The following AADAT variants were observed in gnomAD, a reference collection of about 807,000 sequenced individuals.
The protein encoded by AADAT is aminoadipate aminotransferase.
A neutral mutation model predicts 56.2 loss-of-function variants in AADAT; 25 were observed. The observed-to-expected ratio is 0.44, with a 90% CI of 0.32 to 0.62. AADAT has a LOEUF of 0.62. AADAT is among the 20% of genes least tolerant of loss of function. The pLI is 0.04. For synonymous variants in AADAT, 173 were observed against 164.7 expected (o/e 1.05, Z -0.39); for missense variants, 387 against 510.5 (o/e 0.76, Z 2.33).
chr4:170,089,596 A>C (rs1398087237), intron 1 of AADAT, 28 bp downstream of exon 1: 1 of 1,613,644 alleles, frequency 6.2e-7, no homozygotes, highest in Non-Finnish European at 8.5e-7. Flanking sequence ...CCCCACCCCA[A>C]AGGAGAGATG....
intron 4 of AADAT, among the ~76,000 whole-genome samples, chr4:170,076,976 C>T (rs1253934301): frequency 6.6e-6 from 1 of 152,162 alleles, no homozygotes; most frequent in African/African-American, 2.4e-5. Context: ...TCCTTTCCCC[C>T]ACTGAATGAT....
chr4:170,073,788 C>T (rs1469760040), intron 4 of AADAT, among the ~76,000 whole-genome samples: 1 of 152,176 alleles, frequency 6.6e-6, no homozygotes, highest in East Asian at 1.9e-4. Context: ...CGTGAGCTGC[C>T]ACGCCCCTGG....
chr4:170,088,560 G>A lies in AADAT; in HGVS notation c.72C>T (p.Asp24=), dbSNP rs766029947. ...TCGATTTTGGTCCTCTGCTCAATAT[G>A]TCAGCTACAATACACATGGAAGAGA... is the stretch of plus-strand genomic sequence containing the variant. ...RNPSPIRTMT[D]ILSRGPKSMI... Residue 24 remains aspartate, a synonymous_variant, in exon 2 of 13, where the codon GAC becomes GAT. Transcript: ENST00000337664. The A allele has an allele frequency of 1.6e-5, 25 of 1,609,956 alleles. No individual in the cohort carries two copies. Among genetic ancestry groups the A allele is most frequent in the Non-Finnish European group, 2.0e-5 (24 of 1,176,832 alleles).
intron 8 of AADAT, among the ~76,000 whole-genome samples, chr4:170,068,104 A>G (rs1002091289): frequency 2.0e-5 from 3 of 148,248 alleles, no homozygotes; most frequent in Admixed American, 7.0e-5. Context: ...ATGCCACTGC[A>G]CTCCAGCCTG....
chr4:170,081,124 A>G (rs536663685), intron 3 of AADAT, among the ~76,000 whole-genome samples: 64 of 152,064 alleles, frequency 4.2e-4, no homozygotes, highest in Non-Finnish European at 1.8e-4. Flanking sequence ...ATAACAAAAA[A>G]CCCCAGAAAT....
At chr4:170,092,314 C>A (rs977800059), upstream of AADAT, among the ~76,000 whole-genome samples, 2 of 152,202 alleles carry the variant, frequency 1.3e-5, no homozygotes, top group Admixed American at 6.5e-5. Context: ...CTCCTGAGGC[C>A]GTGGAGACCA....
At chr4:170,084,554 T>C (rs1441848785) in intron 3 of AADAT, among the ~76,000 whole-genome samples, 1 of 152,178 alleles carries the variant, frequency 6.6e-6, no homozygotes, top group East Asian at 1.9e-4. Context: ...AAATCATACA[T>C]AAGTCACAGA....
At chr4:170,081,737 G>A (rs763106678) in intron 3 of AADAT, among the ~76,000 whole-genome samples, 29 of 152,022 alleles carry the variant, frequency 1.9e-4, no homozygotes, top group Non-Finnish European at 3.4e-4. Flanking sequence ...ATGGGGCCTC[G>A]CTATGTTAAC....
At position 170,067,317 on chromosome 4, in the gene AADAT, G is replaced by T; in HGVS notation, c.962+10C>A. On this transcript the variant is annotated intron_variant, in intron 9 of 12. Coordinates refer to ENST00000337664, the MANE Select transcript of AADAT (RefSeq NM_016228.4). The stretch of plus-strand genomic sequence containing the variant: ...TTTGTTCATAAATATTTAAAGAAAT[G>T]ATACAATACCTGTCTACATGAGCCA... 1 of 1,606,142 alleles carries T rather than the reference G, an allele frequency of 6.2e-7. No individual in the cohort carries two copies. Among genetic ancestry groups the T allele is most frequent in the South Asian group, 1.1e-5 (1 of 90,492 alleles).
chr4:170,064,643 T>A, intron 11 of AADAT, 76 bp downstream of exon 11: 1 of 1,144,008 alleles, frequency 8.7e-7, no homozygotes, highest in South Asian at 1.5e-5. Context: ...TTTCTTTCCA[T>A]TCTATTCAAG....
chr4:170,077,259 T>C (rs1335512700), intron 4 of AADAT, among the ~76,000 whole-genome samples: 1 of 152,224 alleles, frequency 6.6e-6, no homozygotes, highest in African/African-American at 2.4e-5. Context: ...GGGATTGTAT[T>C]GAATCTGTAA....
upstream of AADAT, among the ~76,000 whole-genome samples, chr4:170,092,816 G>C (rs775980908): frequency 1.3e-5 from 2 of 152,166 alleles, no homozygotes; most frequent in African/African-American, 4.8e-5. Context: ...AACATTGGCT[G>C]TTGTTAGTAA....
In AADAT at chr4:170,070,521, A is replaced by G; in HGVS notation, c.720+66T>C. The stretch of plus-strand genomic sequence containing the variant: ...TGACTCAGCAGTCAGCCTAATACCC[A>G]ACACAGTGCAGTAACTTAAAACAAC... On this transcript the variant is annotated intron_variant, in intron 6 of 12. Coordinates refer to ENST00000337664, the MANE Select transcript of AADAT (RefSeq NM_016228.4). 2 of 1,189,378 alleles carry G rather than the reference A, an allele frequency of 1.7e-6. 1 individual carries two copies. The highest frequency in any genetic ancestry group is 3.8e-5 in the Admixed American group (2 of 51,960). 73.7% of individuals were successfully genotyped at this position (1,189,378 alleles called of 1,614,324 possible).
intron 3 of AADAT, among the ~76,000 whole-genome samples, chr4:170,081,317 C>T (rs976018046): frequency 2.6e-5 from 4 of 151,942 alleles, no homozygotes; most frequent in African/African-American, 9.7e-5. Context: ...GAAAATTACC[C>T]CAAAAGACTA....
chr4:170,092,805 G>A (rs1289832112), upstream of AADAT, among the ~76,000 whole-genome samples: 1 of 152,224 alleles, frequency 6.6e-6, no homozygotes, highest in Non-Finnish European at 1.5e-5. Flanking sequence ...AAAACGCTAT[G>A]AACATTGGCT....
At chr4:170,068,981 A>G (rs1731623622) in intron 7 of AADAT, among the ~76,000 whole-genome samples, 167 bp downstream of exon 7, 1 of 152,222 alleles carries the variant, frequency 6.6e-6, no homozygotes, top group Non-Finnish European at 1.5e-5. Flanking sequence ...TTGCAGGTGA[A>G]TAAAGGGAAA....
intron 11 of AADAT, 32 bp downstream of exon 11, chr4:170,064,687 A>G: frequency 6.6e-7 from 1 of 1,509,292 alleles, no homozygotes; most frequent in Non-Finnish European, 9.0e-7. Flanking sequence ...ACTTTTCCTT[A>G]GGTTTCCCAG....
intron 11 of AADAT, among the ~76,000 whole-genome samples, chr4:170,063,687 A>G (rs865882623): frequency 1.3e-5 from 2 of 152,194 alleles, no homozygotes; most frequent in African/African-American, 4.8e-5. Context: ...TAACTTCTAG[A>G]GCACCTTGTC....
intron 4 of AADAT, 94 bp from the exon 5 acceptor site, chr4:170,073,439 T>C: frequency 1.9e-6 from 2 of 1,071,988 alleles, no homozygotes; most frequent in South Asian, 1.6e-5. Flanking sequence ...AACTTGCTCA[T>C]TCATACCCTT....
Sources: allele counts gnomAD v4.1 joint callset (sites outside exome capture counted in the v4.1 genomes callset), GRCh38; gene constraint gnomAD v4.1.1; transcripts MANE v1.5; gene names NCBI Gene and HGNC (gene_info 2026-07-23, HGNC 2026-07-21).